ZDHHC20: variants seen among roughly 807,000 people sequenced by gnomAD.
ZDHHC20 encodes the protein zDHHC palmitoyltransferase 20.
A neutral mutation model predicts 57.8 loss-of-function variants in ZDHHC20; 43 were observed. The observed-to-expected ratio is 0.74, with a 90% CI of 0.58 to 0.96. The LOEUF (loss-of-function observed/expected upper bound fraction) is 0.96. Ranked by LOEUF, ZDHHC20 falls within the 40% of genes least tolerant of loss-of-function variation. The probability of loss-of-function intolerance (pLI) is 0.00; values close to 1 mark genes in which losing one functional copy is unlikely to be tolerated. For synonymous variants in ZDHHC20, 157 were observed against 153.0 expected (o/e 1.03, Z -0.19); for missense variants, 391 against 441.1 (o/e 0.89, Z 1.02).
At chr13:21,386,882 T>C (rs554404830) in intron 9 of ZDHHC20, among the ~76,000 whole-genome samples, 1 of 152,326 alleles carries the variant, frequency 6.6e-6, no homozygotes, top group East Asian at 1.9e-4. Context: ...CAAAAATGTC[T>C]TTAAAAAATG....
At chr13:21,453,817 CA>C (rs1412711897) in intron 1 of ZDHHC20, among the ~76,000 whole-genome samples, 1 of 151,874 alleles carries the variant, frequency 6.6e-6, no homozygotes, top group Non-Finnish European at 1.5e-5. Context: ...GGCAACAGAG[CA>C]AAACTGTCTT....
At chr13:21,426,945 T>A (rs1051999579) in intron 1 of ZDHHC20, among the ~76,000 whole-genome samples, 1 of 152,112 alleles carries the variant, frequency 6.6e-6, no homozygotes, top group African/African-American at 2.4e-5. Flanking sequence ...ATATTTCTGG[T>A]GTAATTATTC....
chr13:21,386,961 C>T (rs1874642474), intron 9 of ZDHHC20, among the ~76,000 whole-genome samples: 1 of 152,230 alleles, frequency 6.6e-6, no homozygotes, highest in South Asian at 2.1e-4. Context: ...ACCCATAACT[C>T]TTACAAATAT....
At chr13:21,427,676 A>G (rs1246406105) in intron 1 of ZDHHC20, among the ~76,000 whole-genome samples, 1 of 152,078 alleles carries the variant, frequency 6.6e-6, no homozygotes, top group African/African-American at 2.4e-5. Flanking sequence ...TGCACTAAAA[A>G]ATGCAAAAAT....
At chr13:21,431,485 A>AG (rs1881940814) in intron 1 of ZDHHC20, among the ~76,000 whole-genome samples, 1 of 151,832 alleles carries the variant, frequency 6.6e-6, no homozygotes, top group Non-Finnish European at 1.5e-5. Context: ...TCATTACTTA[A>AG]TATCTAAAAA....
At chr13:21,421,013 T>C (rs756232275) in intron 3 of ZDHHC20, 48 bp downstream of exon 3, 1 of 1,490,118 alleles carries the variant, frequency 6.7e-7, no homozygotes, top group Non-Finnish European at 9.3e-7. Context: ...GGAAAAAAAA[T>C]TCCATAATCA....
chr13:21,451,792 C>A (rs1884463731), intron 1 of ZDHHC20, among the ~76,000 whole-genome samples: 1 of 152,022 alleles, frequency 6.6e-6, no homozygotes, highest in Non-Finnish European at 1.5e-5. Flanking sequence ...GAGTTCAAGA[C>A]TAGCCTGGCC....
chr13:21,407,343 T>C (rs1283404541), intron 4 of ZDHHC20, among the ~76,000 whole-genome samples: 2 of 152,230 alleles, frequency 1.3e-5, no homozygotes, highest in Non-Finnish European at 2.9e-5. Context: ...TGAGATGGTA[T>C]CTCATTGTGG....
chr13:21,452,712 A>G (rs1190269671), intron 1 of ZDHHC20, among the ~76,000 whole-genome samples: 1 of 152,234 alleles, frequency 6.6e-6, no homozygotes, highest in African/African-American at 2.4e-5. Context: ...ATACTTTTAT[A>G]AGGTATTATA....
At chr13:21,414,319 A>G (rs1014429289) in intron 3 of ZDHHC20, among the ~76,000 whole-genome samples, 1 of 151,520 alleles carries the variant, frequency 6.6e-6, no homozygotes, top group African/African-American at 2.4e-5. Context: ...TGTCAAGGCA[A>G]GCATAGTTGC....
Position 21,375,665 on chromosome 13 carries a change from T to C in ZDHHC20, c.*1031A>G, listed in dbSNP as rs2137593269. 6.5e-6 allele frequency: 1 copy of C among 153,662 alleles called. No individual in the cohort carries two copies. The highest frequency in any genetic ancestry group is 1.5e-5 in the Non-Finnish European group (1 of 68,866). The allele number at this position is 153,662 out of a possible 1,614,324, so 9.5% of individuals were successfully genotyped here. ...TTTTTGCCTAGTTTAAATTGCATTT[T>C]AAATCACTGTTTAAGCTATTACAGT... On this transcript the variant is annotated 3_prime_UTR_variant, in exon 13 of 13. Coordinates refer to ENST00000400590, the MANE Select transcript of ZDHHC20 (RefSeq NM_001330059.2).
At chr13:21,394,153 C>T (rs1237950178) in intron 7 of ZDHHC20, among the ~76,000 whole-genome samples, 1 of 152,178 alleles carries the variant, frequency 6.6e-6, no homozygotes, top group Non-Finnish European at 1.5e-5. Flanking sequence ...CTCTCCAAGG[C>T]CCTCTGTCAT....
chr13:21,395,459 C>A (rs1242188689), intron 7 of ZDHHC20, among the ~76,000 whole-genome samples: 6 of 150,836 alleles, frequency 4.0e-5, no homozygotes, highest in Non-Finnish European at 8.9e-5. Flanking sequence ...TAATAATGGC[C>A]CCCTTCTATA....
chr13:21,413,092 A>G (rs1386778714), intron 4 of ZDHHC20, among the ~76,000 whole-genome samples: 1 of 152,154 alleles, frequency 6.6e-6, no homozygotes, highest in East Asian at 1.9e-4. Flanking sequence ...CCCTGTCATA[A>G]GATTACAACC....
intron 1 of ZDHHC20, among the ~76,000 whole-genome samples, chr13:21,441,361 A>C (rs932483902): frequency 6.7e-6 from 1 of 149,526 alleles, no homozygotes; most frequent in Non-Finnish European, 1.5e-5. Flanking sequence ...AGATATGGAT[A>C]GTTCTCTTCC....
At chr13:21,428,471 G>T (rs1881539986) in intron 1 of ZDHHC20, among the ~76,000 whole-genome samples, 5 of 151,386 alleles carry the variant, frequency 3.3e-5, no homozygotes, top group Admixed American at 3.3e-4. Flanking sequence ...CACCTGCCTT[G>T]GACTCCTGAA....
chr13:21,393,297 T>C (rs544944099), intron 7 of ZDHHC20, among the ~76,000 whole-genome samples: 2 of 152,142 alleles, frequency 1.3e-5, no homozygotes, highest in South Asian at 2.1e-4. Flanking sequence ...GAGGTTGAGT[T>C]TGAGACCAGC....
chr13:21,444,885 G>A (rs1210334627), intron 1 of ZDHHC20, among the ~76,000 whole-genome samples: 3 of 151,968 alleles, frequency 2.0e-5, no homozygotes, highest in Admixed American at 1.3e-4. Flanking sequence ...GCAAGACCTC[G>A]TCTCTATAAA....
chr13:21,459,046 G>A lies in ZDHHC20; in HGVS notation c.118+8C>T. 6.3e-7 allele frequency: 1 copy of A among 1,588,514 alleles called. No homozygotes were observed. The highest frequency in any genetic ancestry group is 1.7e-5 in the Admixed American group (1 of 57,840). On this transcript the variant is annotated splice_region_variant and intron_variant, in intron 1 of 12. Coordinates refer to ENST00000400590, the MANE Select transcript of ZDHHC20 (RefSeq NM_001330059.2). ...CGCCCCGCCGCAGTCCCCGGGGACG[G>A]TACTCACACACGCAGAGCTCCACCA... is the stretch of plus-strand genomic sequence containing the variant.
Sources: allele counts gnomAD v4.1 joint callset (sites outside exome capture counted in the v4.1 genomes callset), GRCh38; gene constraint gnomAD v4.1.1; transcripts MANE v1.5; gene names NCBI Gene and HGNC (gene_info 2026-07-23, HGNC 2026-07-21).